UNC5C: variants seen among roughly 807,000 people sequenced by gnomAD.
UNC5C encodes unc-5 netrin receptor C.
UNC5C carries 47 observed loss-of-function variants against 99.8 expected under a neutral mutation model. The observed-to-expected ratio is 0.47, with a 90% CI of 0.37 to 0.60. The LOEUF (loss-of-function observed/expected upper bound fraction) is 0.60, where lower values mean the gene tolerates loss of function less well. Ranked by LOEUF, UNC5C falls within the 20% of genes least tolerant of loss-of-function variation. The pLI is 0.00. For synonymous variants in UNC5C, 487 were observed against 452.2 expected (o/e 1.08, Z -0.98); for missense variants, 1,062 against 1,165.9 (o/e 0.91, Z 1.30).
At chr4:95,227,030 G>A (rs893476567) in intron 7 of UNC5C, among the ~76,000 whole-genome samples, 1 of 152,110 alleles carries the variant, frequency 6.6e-6, no homozygotes, top group African/African-American at 2.4e-5. Flanking sequence ...TCAGGGAAAG[G>A]TATGAGGCTT....
intron 1 of UNC5C, among the ~76,000 whole-genome samples, chr4:95,362,904 T>G (rs1744439065): frequency 6.6e-6 from 1 of 151,852 alleles, no homozygotes. Flanking sequence ...TACAAATGTG[T>G]TAAATAATAA....
At chr4:95,308,943 A>T (rs1440170097) in intron 2 of UNC5C, among the ~76,000 whole-genome samples, 1 of 152,186 alleles carries the variant, frequency 6.6e-6, no homozygotes, top group Non-Finnish European at 1.5e-5. Flanking sequence ...CTTAAAATTC[A>T]TATAGAATCA....
chr4:95,513,808 C>T (rs548880861), intron 1 of UNC5C, among the ~76,000 whole-genome samples: 124 of 152,290 alleles, frequency 8.1e-4, no homozygotes, highest in African/African-American at 2.8e-3. Context: ...CATGTATTGT[C>T]AACCATCATG....
chr4:95,367,806 C>T (rs1259800979), intron 1 of UNC5C, among the ~76,000 whole-genome samples: 2 of 152,146 alleles, frequency 1.3e-5, no homozygotes, highest in Non-Finnish European at 2.9e-5. Flanking sequence ...ATTATATTAC[C>T]TACCATACTT....
chr4:95,463,655 T>TA (rs1747678140), intron 1 of UNC5C, among the ~76,000 whole-genome samples: 1 of 152,218 alleles, frequency 6.6e-6, no homozygotes, highest in Non-Finnish European at 1.5e-5. Context: ...TAGGGTATTT[T>TA]AATTTTCAGA....
At chr4:95,212,458 C>T (rs1314145835) in intron 10 of UNC5C, among the ~76,000 whole-genome samples, 2 of 152,146 alleles carry the variant, frequency 1.3e-5, no homozygotes, top group African/African-American at 4.8e-5. Flanking sequence ...ATTGAGGAGC[C>T]ACTACTCCTA....
In UNC5C at chr4:95,480,366, A is replaced by G. The variant is rs893284141; in HGVS notation, c.124+68368T>C. On this transcript the variant is annotated intron_variant, in intron 1 of 15. Coordinates refer to ENST00000453304, the MANE Select transcript of UNC5C (RefSeq NM_003728.4). Reference sequence around the variant, plus strand: ...TAGGGCTTTAGTTTATGACTTCTGCAATACTTAATAGTTTAGGAAAGAGTT... The same window carrying G: ...TAGGGCTTTAGTTTATGACTTCTGCGATACTTAATAGTTTAGGAAAGAGTT... 3.3e-5 allele frequency among the ~76,000 whole-genome samples: 5 copies of G among 152,020 alleles called. No homozygotes were observed. In the South Asian group the frequency reaches 8.3e-4, roughly 25 times the overall value.
chr4:95,163,253 C>T lies in UNC5C; in HGVS notation c.*5981G>A, dbSNP rs553177245. 1.3e-5 allele frequency: 2 copies of T among 152,198 alleles called. No homozygotes were observed. Among genetic ancestry groups the T allele is most frequent in the African/African-American group, 4.8e-5 (2 of 41,442 alleles). 9.4% of individuals were successfully genotyped at this position (152,198 alleles called of 1,614,324 possible). A position where few individuals can be genotyped will look rare whatever the true frequency, so the allele number is the denominator to read the frequency against. ...ATCTGAGTTTTTACCCCTACATGTA[C>T]AGATGCCATTTGTTACTTTCGGGAT... On this transcript the variant is annotated 3_prime_UTR_variant, in exon 16 of 16. Coordinates refer to ENST00000453304, the MANE Select transcript of UNC5C (RefSeq NM_003728.4).
chr4:95,170,097 T>G, intron 15 of UNC5C, 57 bp downstream of exon 15: 2 of 1,563,324 alleles, frequency 1.3e-6, no homozygotes, highest in Non-Finnish European at 8.7e-7. Context: ...CTAATAGTTA[T>G]CGGTCCTGGA....
intron 4 of UNC5C, among the ~76,000 whole-genome samples, chr4:95,275,314 G>C (rs1043815928): frequency 6.6e-6 from 1 of 152,148 alleles, no homozygotes; most frequent in African/African-American, 2.4e-5. Context: ...AAGAGGTTGA[G>C]TTTGGTCTTG....
intron 4 of UNC5C, among the ~76,000 whole-genome samples, chr4:95,269,572 G>A (rs1050459568): frequency 5.9e-5 from 9 of 152,002 alleles, no homozygotes; most frequent in African/African-American, 2.2e-4. Context: ...ACAGTTATGA[G>A]CCACTGTGCC....
chr4:95,297,158 A>G (rs1017736955), intron 3 of UNC5C, among the ~76,000 whole-genome samples: 8 of 152,146 alleles, frequency 5.3e-5, no homozygotes, highest in African/African-American at 1.9e-4. Context: ...TCAGATTCCT[A>G]TGGAGTCATC....
chr4:95,512,493 C>A (rs144883784), intron 1 of UNC5C, among the ~76,000 whole-genome samples: 21 of 152,206 alleles, frequency 1.4e-4, no homozygotes, highest in African/African-American at 4.8e-4. Context: ...AAAGAGAGTT[C>A]ATGTATAAAA....
intron 1 of UNC5C, among the ~76,000 whole-genome samples, chr4:95,531,538 G>A (rs1046817731): frequency 6.6e-6 from 1 of 152,148 alleles, no homozygotes; most frequent in Non-Finnish European, 1.5e-5. Context: ...TACCTTAAAA[G>A]TGCTTATGAG....
At chr4:95,249,008 T>TA (rs1044127789) in intron 5 of UNC5C, among the ~76,000 whole-genome samples, 3 of 152,162 alleles carry the variant, frequency 2.0e-5, no homozygotes, top group East Asian at 1.9e-4. Context: ...TCTTTTTTTT[T>TA]ATCTTTGATA....
chr4:95,223,243 A>G (rs1016173244), intron 7 of UNC5C, among the ~76,000 whole-genome samples: 1 of 152,200 alleles, frequency 6.6e-6, no homozygotes, highest in Non-Finnish European at 1.5e-5. Flanking sequence ...GTTCTCCAAG[A>G]TTTACTATTC....
chr4:95,482,753 G>A lies in UNC5C; in HGVS notation c.124+65981C>T, dbSNP rs1272287284. On this transcript the variant is annotated intron_variant, in intron 1 of 15. Transcript: ENST00000453304. ...AAATCATCATTCTCAGTAAACTATC[G>A]CAAGGACAAAAAACCAAACACCGCG... Among the ~76,000 whole-genome samples, 25 of 118,802 alleles carry A rather than the reference G, an allele frequency of 2.1e-4. No homozygotes were observed. The South Asian group carries it at 2.9e-3, about 14-fold the overall frequency. The allele number at this position is 118,802 out of a possible 152,430, so 77.9% of individuals were successfully genotyped here.
intron 3 of UNC5C, among the ~76,000 whole-genome samples, chr4:95,279,027 C>T (rs1270692606): frequency 6.6e-6 from 1 of 152,098 alleles, no homozygotes; most frequent in East Asian, 1.9e-4. Flanking sequence ...GATTCTTATG[C>T]CTACAGATTC....
chr4:95,380,407 A>G (rs1030674955), intron 1 of UNC5C, among the ~76,000 whole-genome samples: 1 of 151,508 alleles, frequency 6.6e-6, no homozygotes, highest in Non-Finnish European at 1.5e-5. Context: ...ATTACTACAA[A>G]TTGCTATTTT....
Sources: gnomAD v4.1 joint callset for allele counts (sites outside exome capture counted in the v4.1 genomes callset) on GRCh38, gnomAD v4.1.1 for gene constraint, MANE v1.5 for transcripts, NCBI Gene and HGNC (gene_info 2026-07-23, HGNC 2026-07-21) for gene names.